MKLN1: variants seen among roughly 807,000 people sequenced by gnomAD.
The protein encoded by MKLN1 is muskelin 1.
MKLN1 carries 18 observed loss-of-function variants against 99.0 expected under a neutral mutation model. The ratio of observed to expected loss-of-function variants is 0.18; its 90% CI spans 0.13 to 0.27. The LOEUF (loss-of-function observed/expected upper bound fraction) is 0.27, where lower values mean the gene tolerates loss of function less well. Ranked by LOEUF, MKLN1 falls within the 10% of genes least tolerant of loss-of-function variation. MKLN1 has a pLI of 1.00. For missense variants in MKLN1, 621 were observed against 875.9 expected (o/e 0.71, Z 3.67); for synonymous variants, 288 against 293.2 (o/e 0.98, Z 0.18).
intron 3 of MKLN1, among the ~76,000 whole-genome samples, chr7:131,245,638 C>T (rs1022707380): frequency 1.2e-4 from 18 of 152,162 alleles, no homozygotes; most frequent in Admixed American, 6.5e-5. Flanking sequence ...TACACAAATA[C>T]TATTGTGTTA....
chr7:131,338,772 A>G (rs567750390), intron 1 of MKLN1, among the ~76,000 whole-genome samples: 1 of 152,294 alleles, frequency 6.6e-6, no homozygotes, highest in Non-Finnish European at 1.5e-5. Flanking sequence ...TATTCTTGCT[A>G]TCTGATGGGA....
intron 1 of MKLN1, among the ~76,000 whole-genome samples, chr7:131,112,283 A>G (rs188627015): frequency 1.9e-4 from 29 of 152,248 alleles, no homozygotes; most frequent in African/African-American, 6.5e-4. Context: ...CCCATTTACA[A>G]ACTTCTGTGA....
chr7:131,230,327 G>T (rs1268239538), intron 3 of MKLN1, among the ~76,000 whole-genome samples: 1 of 152,100 alleles, frequency 6.6e-6, no homozygotes. Flanking sequence ...ATTTTCTGGG[G>T]CCCCCTTGGC....
intron 9 of MKLN1, among the ~76,000 whole-genome samples, chr7:131,430,684 TAGCAGTTTTTTCA>T (rs940875425): frequency 2.0e-5 from 3 of 152,186 alleles, no homozygotes; most frequent in Admixed American, 2.0e-4. Context: ...CCATTCCTTT[TAGCAGTTTTTTCA>T]ACTTTATGGT....
At chr7:131,308,001 C>A (rs1247823101) in intron 3 of MKLN1, among the ~76,000 whole-genome samples, 1 of 152,124 alleles carries the variant, frequency 6.6e-6, no homozygotes, top group Non-Finnish European at 1.5e-5. Flanking sequence ...AAGGGAGGGA[C>A]CTGCTGGGAG....
At chr7:131,380,457 A>G (rs1032272620) in intron 2 of MKLN1, among the ~76,000 whole-genome samples, 4 of 152,238 alleles carry the variant, frequency 2.6e-5, no homozygotes, top group African/African-American at 4.8e-5. Flanking sequence ...GAAAAATACA[A>G]TACCCAAAAT....
intron 1 of MKLN1, among the ~76,000 whole-genome samples, chr7:131,328,421 G>A (rs1166145835): frequency 6.6e-6 from 1 of 151,976 alleles, no homozygotes; most frequent in East Asian, 1.9e-4. Context: ...CAGTTCAGTC[G>A]ATTGCTGCCG....
intron 3 of MKLN1, among the ~76,000 whole-genome samples, chr7:131,237,731 A>G (rs1004207768): frequency 2.6e-5 from 4 of 152,206 alleles, no homozygotes; most frequent in African/African-American, 9.6e-5. Context: ...GCCCAGAAGC[A>G]GGTAAAGATG....
rs116653437 is a variant in MKLN1 at position 131,218,880 on chromosome 7, C to T, written c.-179+15906C>T. ...GAGAACAAGCATTTTCTTCCCCTCT[C>T]CGGAAGACCAAGAATGTAACCACAG... On this transcript the variant is annotated intron_variant, in intron 3 of 7. Transcript: ENST00000416992. 4.2e-3 allele frequency among the ~76,000 whole-genome samples: 642 copies of T among 152,312 alleles called. 5 individuals are homozygous for T. The highest frequency in any genetic ancestry group is 0.014 in the African/African-American group (598 of 41,558).
At chr7:131,448,273 G>T (rs1796075866) in intron 12 of MKLN1, among the ~76,000 whole-genome samples, 1 of 152,130 alleles carries the variant, frequency 6.6e-6, no homozygotes, top group African/African-American at 2.4e-5. Flanking sequence ...CAGAGAACTA[G>T]TAAAATAAAA....
chr7:131,292,922 G>A (rs533045617), intron 3 of MKLN1, among the ~76,000 whole-genome samples: 10 of 152,300 alleles, frequency 6.6e-5, no homozygotes, highest in African/African-American at 2.4e-4. Context: ...CACTAATAGT[G>A]GGACAACCCG....
At position 131,327,926 on chromosome 7, in the gene MKLN1, G is replaced by C; in HGVS notation, c.27G>C (p.Ala9=). 6.2e-7 allele frequency: 1 copy of C among 1,613,206 alleles called. No individual in the cohort carries two copies. The highest frequency in any genetic ancestry group is 1.1e-5 in the South Asian group (1 of 91,088). The change falls in exon 1 of 18, where the codon GCG becomes GCC. Residue 9 remains alanine (A), a synonymous_variant. Coordinates refer to ENST00000352689, the MANE Select transcript of MKLN1 (RefSeq NM_013255.5). ...TGGCGGCTGGCGGAGCTGTCGCTGCGGCGCCCGAGTGCCGGCTTCTCCCCT... is the reference window on the plus strand; with the variant it reads ...TGGCGGCTGGCGGAGCTGTCGCTGCCGCGCCCGAGTGCCGGCTTCTCCCCT... The part of the protein sequence containing the change: MAAGGAVA[A]APECRLLPYA...
At chr7:131,294,734 A>T (rs1798266488) in intron 3 of MKLN1, among the ~76,000 whole-genome samples, 1 of 152,336 alleles carries the variant, frequency 6.6e-6, no homozygotes, top group African/African-American at 2.4e-5. Flanking sequence ...CACAGGAACC[A>T]AAGTCTAGAT....
At chr7:131,175,230 G>A (rs925778874) in intron 2 of MKLN1, among the ~76,000 whole-genome samples, 4 of 88,210 alleles carry the variant, frequency 4.5e-5, no homozygotes, top group Non-Finnish European at 9.0e-5. Flanking sequence ...GAGAGAGAGA[G>A]ATAGAATGGA....
At chr7:131,195,899 C>T (rs965744438) in intron 2 of MKLN1, among the ~76,000 whole-genome samples, 3 of 152,058 alleles carry the variant, frequency 2.0e-5, no homozygotes, top group Admixed American at 6.6e-5. Context: ...TGCAGTGAGC[C>T]GAGATTGCAC....
chr7:131,478,448 T>G, intron 16 of MKLN1, 175 bp from the exon 17 acceptor site: 1 of 491,006 alleles, frequency 2.0e-6, no homozygotes, highest in Non-Finnish European at 3.3e-6. Context: ...AGTCATTATA[T>G]TCTGTAATCT....
At chr7:131,242,107 A>G (rs1445026053) in intron 3 of MKLN1, among the ~76,000 whole-genome samples, 1 of 152,264 alleles carries the variant, frequency 6.6e-6, no homozygotes, top group African/African-American at 2.4e-5. Context: ...GATTAAATAC[A>G]GCAAATCTGC....
chr7:131,179,400 A>G (rs17813243), intron 2 of MKLN1, among the ~76,000 whole-genome samples: 37,290 of 152,072 alleles, frequency 0.25, 5,727 homozygotes, highest in Non-Finnish European at 0.36. Flanking sequence ...TAAAGTCCAC[A>G]TGGAGAAGAA....
At chr7:131,474,311 A>G (rs1037969291) in intron 16 of MKLN1, among the ~76,000 whole-genome samples, 4 of 152,246 alleles carry the variant, frequency 2.6e-5, no homozygotes, top group African/African-American at 9.6e-5. Context: ...AGTTACTATC[A>G]ACTGAAGTGA....
Sources: gnomAD v4.1 joint callset for allele counts (sites outside exome capture counted in the v4.1 genomes callset) on GRCh38, gnomAD v4.1.1 for gene constraint, MANE v1.5 for transcripts, NCBI Gene and HGNC (gene_info 2026-07-23, HGNC 2026-07-21) for gene names.